Variants in SLC71A2 observed in about 807,000 individuals in gnomAD.
SLC71A2 encodes solute carrier family 71 member 2, also known as hippocampus abundant transcript-like 1.
chr9:94,433,524 T>C, the SLC71A2 span, among the ~76,000 whole-genome samples: 2 of 151,112 alleles, frequency 1.3e-5, no homozygotes, highest in African/African-American at 4.9e-5. Flanking sequence ...AATGCAAAAT[T>C]AGCTGGGTGT....
the SLC71A2 span, among the ~76,000 whole-genome samples, chr9:94,404,807 T>C: frequency 1.3e-5 from 2 of 152,240 alleles, no homozygotes; most frequent in Non-Finnish European, 2.9e-5. Context: ...ACTGTCTTGA[T>C]AGTATCCTTT....
the SLC71A2 span, among the ~76,000 whole-genome samples, chr9:94,386,364 T>G: frequency 6.6e-6 from 1 of 151,226 alleles, no homozygotes; most frequent in Non-Finnish European, 1.5e-5. Flanking sequence ...TCTCCACTAC[T>G]CAGGCAAGGT....
At chr9:94,428,176 T>C in the SLC71A2 span, among the ~76,000 whole-genome samples, 1 of 151,868 alleles carries the variant, frequency 6.6e-6, no homozygotes, top group Non-Finnish European at 1.5e-5. Context: ...AATACGTTTT[T>C]GTTTTGCATT....
the SLC71A2 span, among the ~76,000 whole-genome samples, chr9:94,403,109 A>G: frequency 7.2e-5 from 11 of 152,070 alleles, no homozygotes; most frequent in African/African-American, 2.7e-4. Flanking sequence ...AAATTATGCC[A>G]TATTTGATTT....
the SLC71A2 span, among the ~76,000 whole-genome samples, chr9:94,392,887 G>A: frequency 6.0e-5 from 9 of 151,164 alleles, no homozygotes; most frequent in Non-Finnish European, 1.3e-4. Flanking sequence ...TACTTTATAG[G>A]AATGGTCACA....
chr9:94,434,207 G>T, the SLC71A2 span, among the ~76,000 whole-genome samples: 1 of 151,538 alleles, frequency 6.6e-6, no homozygotes, highest in Non-Finnish European at 1.5e-5. Flanking sequence ...TAAAAATTTT[G>T]TTTTTAACAA....
At chr9:94,411,995 G>T in the SLC71A2 span, among the ~76,000 whole-genome samples, 82 of 152,284 alleles carry the variant, frequency 5.4e-4, 1 homozygote, top group African/African-American at 1.9e-3. Context: ...TATGTAATTT[G>T]TCTAGATGTT....
At chr9:94,375,033 G>A in the SLC71A2 span, 1 of 703,788 alleles carries the variant, frequency 1.4e-6, no homozygotes. Context: ...TCGGCTCTTG[G>A]AAAGTCGGTC....
chr9:94,448,245 A>T, the SLC71A2 span, among the ~76,000 whole-genome samples: 2 of 152,068 alleles, frequency 1.3e-5, no homozygotes, highest in South Asian at 4.2e-4. Flanking sequence ...CTTCAGGGGG[A>T]CTCAAAAGCA....
chr9:94,431,356 G>A, the SLC71A2 span, among the ~76,000 whole-genome samples: 4 of 151,284 alleles, frequency 2.6e-5, no homozygotes, highest in Non-Finnish European at 5.9e-5. Context: ...GCTGAATTTA[G>A]CCATTGTAGT....
the SLC71A2 span, chr9:94,459,423 A>C: frequency 6.2e-7 from 1 of 1,612,960 alleles, no homozygotes; most frequent in South Asian, 1.1e-5. Flanking sequence ...ACTCGGCAGA[A>C]AGTGGGATTC....
the SLC71A2 span, among the ~76,000 whole-genome samples, chr9:94,444,238 T>C: frequency 2.6e-4 from 40 of 152,218 alleles, no homozygotes; most frequent in African/African-American, 9.4e-4. Context: ...CACATGCTTA[T>C]AGGAGTGCAC....
the SLC71A2 span, among the ~76,000 whole-genome samples, chr9:94,399,758 C>T: frequency 6.6e-6 from 1 of 151,628 alleles, no homozygotes; most frequent in Non-Finnish European, 1.5e-5. Context: ...TCTTGTTTCT[C>T]GCCACACAGA....
chr9:94,449,012 G>A, the SLC71A2 span, among the ~76,000 whole-genome samples: 3 of 152,254 alleles, frequency 2.0e-5, no homozygotes, highest in South Asian at 6.2e-4. Flanking sequence ...AGATAGTGTA[G>A]AAAATTATAC....
At chr9:94,459,412 A>G in the SLC71A2 span, 1 of 1,613,396 alleles carries the variant, frequency 6.2e-7, no homozygotes, top group South Asian at 1.1e-5. Context: ...CTGAGCTGTA[A>G]ACTCGGCAGA....
At chr9:94,448,871 G>A in the SLC71A2 span, among the ~76,000 whole-genome samples, 1 of 152,148 alleles carries the variant, frequency 6.6e-6, no homozygotes, top group African/African-American at 2.4e-5. Flanking sequence ...GGTCTCAAGT[G>A]ATCTGCCTGT....
chr9:94,428,983 A>G, the SLC71A2 span, among the ~76,000 whole-genome samples: 3 of 151,972 alleles, frequency 2.0e-5, no homozygotes, highest in Admixed American at 2.0e-4. Context: ...AGGTTCCTCC[A>G]TGTTTTTTAG....
chr9:94,409,126 C>A, the SLC71A2 span, among the ~76,000 whole-genome samples: 1 of 112,150 alleles, frequency 8.9e-6, no homozygotes, highest in Non-Finnish European at 2.0e-5. Flanking sequence ...TGCGCCCGGC[C>A]TCCTTTTTTT....
chr9:94,440,948 C>G, the SLC71A2 span: 2 of 1,304,616 alleles, frequency 1.5e-6, no homozygotes, highest in East Asian at 4.6e-5. Flanking sequence ...AACATACACT[C>G]CCTTTCCCTT....
Sources: allele counts gnomAD v4.1 joint callset (sites outside exome capture counted in the v4.1 genomes callset), GRCh38; gene constraint gnomAD v4.1.1; transcripts MANE v1.5; gene names NCBI Gene and HGNC (gene_info 2026-07-23, HGNC 2026-07-21).